The following TMEM245 variants were observed in gnomAD, a reference collection of about 807,000 sequenced individuals.
TMEM245 encodes the protein protein CG-2.
In TMEM245, 69 loss-of-function variants were observed where a neutral mutation model predicts 101.2. The observed-to-expected ratio is 0.68, with a 90% CI of 0.56 to 0.83. The LOEUF (loss-of-function observed/expected upper bound fraction) is 0.83. Ranked by LOEUF, TMEM245 falls within the 40% of genes least tolerant of loss-of-function variation. The pLI is 0.00. For missense variants in TMEM245, 1,075 were observed against 1,092.8 expected, an observed-to-expected ratio of 0.98 and a Z score of 0.23; for synonymous variants, 537 against 449.8, an observed-to-expected ratio of 1.19 and a Z score of -2.45.
rs1829827052 is a variant in TMEM245 at position 109,086,090 on chromosome 9, T to C, written c.1321-70A>G. 2.0e-5 allele frequency: 31 copies of C among 1,512,472 alleles called. No homozygotes were observed. In the Middle Eastern group the frequency reaches 8.5e-4, roughly 42 times the overall value. The allele number at this position is 1,512,472 out of a possible 1,614,324, so 93.7% of individuals were successfully genotyped here. A position where few individuals can be genotyped will look rare whatever the true frequency, so the allele number is the denominator to read the frequency against. The stretch of plus-strand genomic sequence containing the variant: ...GGAGTATCATTAGAGAATGCAACCA[T>C]AGTATGAAAAGAAAAGGAAAGCATG... On this transcript the variant is annotated intron_variant, in intron 6 of 17. Transcript: ENST00000374586.
rs534576164 is a variant in TMEM245, at chr9:109,017,044, G to A, written c.*3416C>T. ...CAGCCTGAATTTCTGAGTATTGCTT[G>A]ACCAGTAGTGACACATTCCTGAGGC... On this transcript the variant is annotated 3_prime_UTR_variant, in exon 18 of 18. Coordinates refer to ENST00000374586, the MANE Select transcript of TMEM245 (RefSeq NM_032012.4). 5 of 152,110 alleles carry A rather than the reference G, an allele frequency of 3.3e-5. No homozygotes were observed. Among genetic ancestry groups the A allele is most frequent in the African/African-American group, 4.8e-5 (2 of 41,488 alleles). The allele number at this position is 152,110 out of a possible 1,614,324, so 9.4% of individuals were successfully genotyped here.
chr9:109,100,692 G>T (rs1830262016), intron 3 of TMEM245, among the ~76,000 whole-genome samples: 1 of 152,112 alleles, frequency 6.6e-6, no homozygotes, highest in African/African-American at 2.4e-5. Context: ...CTAGTCACCT[G>T]TGTGACTGCA....
intron 9 of TMEM245, among the ~76,000 whole-genome samples, chr9:109,069,727 A>G (rs973819419): frequency 2.6e-5 from 4 of 152,220 alleles, no homozygotes; most frequent in Non-Finnish European, 5.9e-5. Context: ...TCCCTGGAGC[A>G]TACAAACAAG....
chr9:109,052,778 T>C (rs1051417874), intron 12 of TMEM245, among the ~76,000 whole-genome samples: 4 of 152,210 alleles, frequency 2.6e-5, no homozygotes, highest in Non-Finnish European at 4.4e-5. Flanking sequence ...AGCATTCTTT[T>C]TGCAGCTTCA....
intron 11 of TMEM245, 146 bp downstream of exon 11, chr9:109,060,208 A>G (rs1828968042): frequency 1.7e-6 from 1 of 599,490 alleles, no homozygotes; most frequent in Non-Finnish European, 2.9e-6. Flanking sequence ...ACTCACACTG[A>G]CTTTTAGTGA....
intron 8 of TMEM245, among the ~76,000 whole-genome samples, chr9:109,076,538 A>G (rs1829513691): frequency 6.7e-6 from 1 of 149,408 alleles, no homozygotes; most frequent in East Asian, 1.9e-4. Flanking sequence ...AATAAAAAAA[A>G]AGTTAAAGTT....
In TMEM245 at chr9:109,018,619, A is replaced by T. The variant is rs1368166726; in HGVS notation, c.*1841T>A. 1 of 152,236 alleles carries T rather than the reference A, an allele frequency of 6.6e-6. No individual in the cohort carries two copies. Among genetic ancestry groups the T allele is most frequent in the Non-Finnish European group, 1.5e-5 (1 of 68,044 alleles). 9.4% of individuals were successfully genotyped at this position (152,236 alleles called of 1,614,324 possible). On this transcript the variant is annotated 3_prime_UTR_variant, in exon 18 of 18. Transcript: ENST00000374586. ...CTTAAGTAGTGTAAGAATAAATTTA[A>T]ACTAATTATAATTATCAGTGACTTC...
At chr9:109,027,832 C>T (rs369432007) in intron 17 of TMEM245, among the ~76,000 whole-genome samples, 2 of 152,030 alleles carry the variant, frequency 1.3e-5, no homozygotes, top group African/African-American at 4.8e-5. Context: ...ATTACAGGCT[C>T]ATGCCACCAT....
intron 5 of TMEM245, among the ~76,000 whole-genome samples, chr9:109,088,670 A>T (rs1829911585): frequency 6.6e-6 from 1 of 152,022 alleles, no homozygotes; most frequent in African/African-American, 2.4e-5. Flanking sequence ...ACAAAAAATT[A>T]GCCAGGCGTT....
At chr9:109,062,206 A>G (rs777782089) in intron 10 of TMEM245, among the ~76,000 whole-genome samples, 1 of 151,910 alleles carries the variant, frequency 6.6e-6, no homozygotes, top group Non-Finnish European at 1.5e-5. Context: ...AGGTCTCACT[A>G]TGTTGCCCAA....
intron 14 of TMEM245, among the ~76,000 whole-genome samples, chr9:109,044,614 C>T (rs1588029509): frequency 6.6e-6 from 1 of 152,132 alleles, no homozygotes; most frequent in Non-Finnish European, 1.5e-5. Context: ...ACAGTATATA[C>T]AATAACCAGT....
At chr9:109,119,287 G>C in intron 1 of TMEM245, 48 bp downstream of exon 1, 1 of 1,495,056 alleles carries the variant, frequency 6.7e-7, no homozygotes, top group South Asian at 1.3e-5. Context: ...GCACCCCAGA[G>C]CGCCGGGACC....
chr9:109,073,864 T>G (rs10979680), intron 8 of TMEM245, among the ~76,000 whole-genome samples: 8,032 of 148,274 alleles, frequency 0.054, 353 homozygotes, highest in East Asian at 0.12. Context: ...TTGTTTTTTT[T>G]TTTTTTTTTT....
At chr9:109,095,741 T>G (rs1408456537) in intron 3 of TMEM245, among the ~76,000 whole-genome samples, 1 of 152,180 alleles carries the variant, frequency 6.6e-6, no homozygotes. Context: ...TTGTCCAGTT[T>G]CCCCTGACAC....
intron 14 of TMEM245, among the ~76,000 whole-genome samples, chr9:109,040,965 G>T (rs1490409774): frequency 6.6e-6 from 1 of 152,284 alleles, no homozygotes; most frequent in East Asian, 1.9e-4. Context: ...TAGGAGTGGA[G>T]ATACTGGGTC....
In TMEM245 at chr9:109,084,364, T is replaced by C. The variant is rs935562896; in HGVS notation, c.1344+1633A>G. On this transcript the variant is annotated intron_variant, in intron 7 of 17. Coordinates refer to ENST00000374586, the MANE Select transcript of TMEM245 (RefSeq NM_032012.4). ...CTATCTTTACACCAATGCTTTACTA[T>C]GTTATATGGAATCATCAAAGGAAAG... 5.3e-5 allele frequency among the ~76,000 whole-genome samples: 8 copies of C among 152,296 alleles called. No homozygotes were observed. The South Asian group carries it at 6.2e-4, about 12-fold the overall frequency.
chr9:109,042,218 T>G (rs1358358497), intron 14 of TMEM245, among the ~76,000 whole-genome samples: 1 of 152,126 alleles, frequency 6.6e-6, no homozygotes, highest in Admixed American at 6.5e-5. Flanking sequence ...TGGCATGTAG[T>G]GGGTTGTGTT....
rs550343888 is a variant in TMEM245 at position 109,112,939 on chromosome 9, G to A, written c.580-4369C>T. The stretch of plus-strand genomic sequence containing the variant: ...AAAAATACAAAAATTAGCTGGGCAT[G>A]GTGGCAGATGCCTGTAGTCCCAGCC... On this transcript the variant is annotated intron_variant, in intron 1 of 17. Coordinates refer to ENST00000374586, the MANE Select transcript of TMEM245 (RefSeq NM_032012.4). Among the ~76,000 whole-genome samples, 526 of 152,156 alleles carry A rather than the reference G, an allele frequency of 3.5e-3. 6 individuals are homozygous for A. The highest frequency in any genetic ancestry group is 0.012 in the African/African-American group (489 of 41,526).
At chr9:109,043,999 C>T (rs1828397814) in intron 14 of TMEM245, among the ~76,000 whole-genome samples, 1 of 152,170 alleles carries the variant, frequency 6.6e-6, no homozygotes, top group Admixed American at 6.5e-5. Flanking sequence ...GTGTGAATAT[C>T]CATGCCTCCT....
Sources: gnomAD v4.1 joint callset for allele counts (sites outside exome capture counted in the v4.1 genomes callset) on GRCh38, gnomAD v4.1.1 for gene constraint, MANE v1.5 for transcripts, NCBI Gene and HGNC (gene_info 2026-07-23, HGNC 2026-07-21) for gene names.